The following SNTG2 variants were observed in gnomAD, a reference collection of about 807,000 sequenced individuals.
SNTG2 encodes syntrophin gamma 2.
SNTG2 carries 74 observed loss-of-function variants against 70.9 expected under a neutral mutation model. The observed-to-expected ratio is 1.04, with a 90% confidence interval of 0.86 to 1.27. SNTG2 has a LOEUF of 1.27. Among genes scored for constraint, SNTG2 ranks in the 50% most tolerant of loss-of-function variants. The pLI, the probability that SNTG2 is intolerant of heterozygous loss-of-function variation, is 0.00. For synonymous variants in SNTG2, 278 were observed against 273.8 expected, an observed-to-expected ratio of 1.02 and a Z score of -0.15; for missense variants, 717 against 690.7, an observed-to-expected ratio of 1.04 and a Z score of -0.43.
intron 9 of SNTG2, among the ~76,000 whole-genome samples, chr2:1,222,099 C>CTA (rs1451914786): frequency 6.8e-5 from 1 of 14,604 alleles, no homozygotes; most frequent in Non-Finnish European, 1.5e-4. Context: ...CTCTCTGTCT[C>CTA]TCTCTGTCTC....
At chr2:1,226,410 G>A (rs1675779720) in intron 9 of SNTG2, among the ~76,000 whole-genome samples, 1 of 152,156 alleles carries the variant, frequency 6.6e-6, no homozygotes, top group Non-Finnish European at 1.5e-5. Context: ...AGCAGTGGGT[G>A]GGGCCGTGCC....
intron 1 of SNTG2, among the ~76,000 whole-genome samples, chr2:1,021,313 A>T (rs1295055954): frequency 6.6e-6 from 1 of 152,212 alleles, no homozygotes; most frequent in Admixed American, 6.5e-5. Context: ...CTGCACCCAT[A>T]AAAGTCTGTT....
chr2:1,016,792 CTTAACA>C (rs769855403), intron 1 of SNTG2, among the ~76,000 whole-genome samples: 1 of 152,210 alleles, frequency 6.6e-6, no homozygotes, highest in Non-Finnish European at 1.5e-5. Context: ...GGGGTGTGGA[CTTAACA>C]TTAAAATGTA....
intron 8 of SNTG2, 36 bp from the exon 9 acceptor site, chr2:1,209,067 C>T (rs368520920): frequency 1.1e-5 from 18 of 1,610,120 alleles, no homozygotes; most frequent in Non-Finnish European, 1.4e-5. Context: ...GCCTCCTCTG[C>T]CTCTGTGACG....
intron 4 of SNTG2, among the ~76,000 whole-genome samples, chr2:1,127,118 T>G (rs1667742498): frequency 3.8e-5 from 1 of 26,010 alleles, no homozygotes; most frequent in East Asian, 1.3e-3. Flanking sequence ...CTTTGATCTA[T>G]TTTGAGTTGA....
chr2:1,134,545 T>G (rs1028799235), intron 4 of SNTG2, among the ~76,000 whole-genome samples: 1 of 151,998 alleles, frequency 6.6e-6, no homozygotes, highest in Non-Finnish European at 1.5e-5. Flanking sequence ...GGATGCTGAT[T>G]GGTGTGTTTA....
intron 1 of SNTG2, among the ~76,000 whole-genome samples, chr2:968,450 T>A (rs1201194973): frequency 6.6e-6 from 1 of 152,200 alleles, no homozygotes; most frequent in Non-Finnish European, 1.5e-5. Context: ...TCTCATTTAT[T>A]TTTTATTTTG....
intron 6 of SNTG2, among the ~76,000 whole-genome samples, chr2:1,139,826 CAAAAAAAA>C (rs139384127): frequency 1.2e-4 from 12 of 101,024 alleles, no homozygotes; most frequent in Admixed American, 2.1e-4. Context: ...GACTCCATCT[CAAAAAAAA>C]AAAAAAAAAA....
chr2:1,185,024 T>C (rs1672161384), intron 8 of SNTG2, among the ~76,000 whole-genome samples: 2 of 152,222 alleles, frequency 1.3e-5, no homozygotes, highest in Non-Finnish European at 2.9e-5. Flanking sequence ...ACAATGGGTA[T>C]ACAGGCATTG....
intron 1 of SNTG2, among the ~76,000 whole-genome samples, chr2:974,345 C>T (rs1660843623): frequency 6.6e-6 from 1 of 152,192 alleles, no homozygotes; most frequent in Non-Finnish European, 1.5e-5. Context: ...AAGGACAGGG[C>T]CTCCCCACGA....
intron 4 of SNTG2, among the ~76,000 whole-genome samples, chr2:1,117,394 T>A (rs1404949841): frequency 6.6e-6 from 1 of 152,182 alleles, no homozygotes; most frequent in Admixed American, 6.5e-5. Flanking sequence ...TAGAAACAAC[T>A]TTTACTATTA....
At chr2:1,164,048 G>C (rs1670527599) in intron 6 of SNTG2, among the ~76,000 whole-genome samples, 1 of 152,198 alleles carries the variant, frequency 6.6e-6, no homozygotes, top group Admixed American at 6.5e-5. Flanking sequence ...AGTGACTGAA[G>C]AAATGAGGAG....
At chr2:1,003,864 A>T (rs1659485169) in intron 1 of SNTG2, among the ~76,000 whole-genome samples, 1 of 152,236 alleles carries the variant, frequency 6.6e-6, no homozygotes, top group Non-Finnish European at 1.5e-5. Context: ...CTTTGTACAT[A>T]AACTTTTTGT....
At chr2:973,534 A>G (rs567366765) in intron 1 of SNTG2, among the ~76,000 whole-genome samples, 6 of 129,420 alleles carry the variant, frequency 4.6e-5, no homozygotes, top group Admixed American at 4.5e-4. Context: ...ACATGTATAT[A>G]TATATATTTT....
chr2:1,227,882 C>T lies in SNTG2; in HGVS notation c.720-10006C>T, dbSNP rs185279531. Among the ~76,000 whole-genome samples the T allele has an allele frequency of 2.0e-5, 3 of 152,310 alleles. No homozygotes were observed. The East Asian group carries it at 5.8e-4, about 29-fold the overall frequency. On this transcript the variant is annotated intron_variant, in intron 9 of 16. Transcript: ENST00000308624. ...GGGCACTTTGCTGCATTCTGTGGCA[C>T]CAAACACCGCTCTGCTGGGCAGGTC...
intron 9 of SNTG2, among the ~76,000 whole-genome samples, chr2:1,217,377 G>A (rs1487990911): frequency 6.6e-6 from 1 of 152,202 alleles, no homozygotes; most frequent in East Asian, 1.9e-4. Flanking sequence ...CATTGTGAAT[G>A]AGGATTAAAT....
intron 8 of SNTG2, among the ~76,000 whole-genome samples, chr2:1,188,042 T>C (rs1672351256): frequency 6.6e-6 from 1 of 152,246 alleles, no homozygotes; most frequent in Non-Finnish European, 1.5e-5. Context: ...CAGATGGCTC[T>C]AACAAGCGTT....
At chr2:1,062,801 C>T (rs1662905820) in intron 1 of SNTG2, among the ~76,000 whole-genome samples, 1 of 152,124 alleles carries the variant, frequency 6.6e-6, no homozygotes, top group Non-Finnish European at 1.5e-5. Flanking sequence ...TAAATGTCAA[C>T]CTACACTTCA....
chr2:965,195 T>A (rs1435428160), intron 1 of SNTG2, among the ~76,000 whole-genome samples: 1 of 58,896 alleles, frequency 1.7e-5, no homozygotes. Context: ...TGGTCCCCAG[T>A]CCTCCTCCTG....
Sources: gnomAD v4.1 joint callset for allele counts (sites outside exome capture counted in the v4.1 genomes callset) on GRCh38, gnomAD v4.1.1 for gene constraint, MANE v1.5 for transcripts, NCBI Gene and HGNC (gene_info 2026-07-23, HGNC 2026-07-21) for gene names.